Variants in NEDD4L observed in about 807,000 individuals in gnomAD.
The protein encoded by NEDD4L is E3 ubiquitin-protein ligase NEDD4-like.
NEDD4L carries 54 observed loss-of-function variants against 148.9 expected under a neutral mutation model. The ratio of observed to expected loss-of-function variants is 0.36; its 90% CI spans 0.29 to 0.45. NEDD4L has a LOEUF of 0.45. Among genes scored for constraint, NEDD4L ranks in the 20% least tolerant of loss-of-function variants. The pLI is 1.00. For missense variants in NEDD4L, 856 were observed against 1,233.8 expected (o/e 0.69, Z 4.59); for synonymous variants, 433 against 440.7 (o/e 0.98, Z 0.22).
At chr18:58,376,291 C>T (rs1440347509) in intron 24 of NEDD4L, among the ~76,000 whole-genome samples, 2 of 152,070 alleles carry the variant, frequency 1.3e-5, no homozygotes, top group Admixed American at 6.5e-5. Context: ...CAGACCTCCT[C>T]GTTTAATGTT....
intron 5 of NEDD4L, among the ~76,000 whole-genome samples, chr18:58,280,017 GT>G (rs2052763840): frequency 6.6e-6 from 1 of 152,170 alleles, no homozygotes; most frequent in South Asian, 2.1e-4. Flanking sequence ...AAACCATCTA[GT>G]TTATAAGCCA....
chr18:58,287,176 T>C (rs2054045876), intron 5 of NEDD4L, among the ~76,000 whole-genome samples: 1 of 152,002 alleles, frequency 6.6e-6, no homozygotes, highest in African/African-American at 2.4e-5. Flanking sequence ...AACTTTATCC[T>C]GCTAAGGAGC....
intron 19 of NEDD4L, 57 bp from the exon 20 acceptor site, chr18:58,364,211 A>T (rs1221262831): frequency 3.1e-6 from 3 of 981,706 alleles, no homozygotes; most frequent in Non-Finnish European, 4.7e-6. Context: ...GCCTCAGTAT[A>T]CATAAAATTT....
At chr18:58,117,603 C>T (rs1002903095) in intron 1 of NEDD4L, among the ~76,000 whole-genome samples, 7 of 152,164 alleles carry the variant, frequency 4.6e-5, no homozygotes, top group Admixed American at 2.6e-4. Context: ...ACGTGGCTCA[C>T]GGTTACCCTG....
intron 19 of NEDD4L, among the ~76,000 whole-genome samples, chr18:58,362,999 G>C (rs2045671140): frequency 6.6e-6 from 1 of 152,188 alleles, no homozygotes. Flanking sequence ...CAAATCTGTT[G>C]TTCAGTGGAA....
At chr18:58,127,557 C>T (rs1022818354) in intron 1 of NEDD4L, among the ~76,000 whole-genome samples, 18 of 151,172 alleles carry the variant, frequency 1.2e-4, no homozygotes, top group Non-Finnish European at 1.8e-4. Flanking sequence ...AAAAAAAAAT[C>T]GGCCGGGTGC....
chr18:58,190,416 G>T (rs917191212), intron 2 of NEDD4L, among the ~76,000 whole-genome samples: 3 of 152,224 alleles, frequency 2.0e-5, no homozygotes, highest in East Asian at 1.9e-4. Context: ...TTACAGATAA[G>T]TATTTAATGT....
At chr18:58,365,834 T>C (rs1343499215) in intron 20 of NEDD4L, among the ~76,000 whole-genome samples, 165 bp from the exon 21 acceptor site, 1 of 152,164 alleles carries the variant, frequency 6.6e-6, no homozygotes, top group Non-Finnish European at 1.5e-5. Context: ...AGGCTTTCTG[T>C]CTGCAAGGGA....
At chr18:58,099,185 CCTT>C (rs1298564908) in intron 1 of NEDD4L, among the ~76,000 whole-genome samples, 1 of 151,750 alleles carries the variant, frequency 6.6e-6, no homozygotes, top group Non-Finnish European at 1.5e-5. Context: ...ACCCCAGTGT[CCTT>C]TTTTTTTTGG....
intron 1 of NEDD4L, among the ~76,000 whole-genome samples, chr18:58,113,493 CT>C (rs1210247312): frequency 3.3e-5 from 5 of 152,092 alleles, no homozygotes; most frequent in Admixed American, 3.3e-4. Flanking sequence ...CAGGAAAAAT[CT>C]TTAGCTGAGA....
intron 5 of NEDD4L, among the ~76,000 whole-genome samples, chr18:58,311,709 G>T (rs554573917): frequency 7.8e-5 from 10 of 128,668 alleles, no homozygotes; most frequent in African/African-American, 1.2e-4. Context: ...TGTGGTTTTT[G>T]TTGTTGTTGT....
chr18:58,266,147 G>A (rs1239881238), intron 5 of NEDD4L, among the ~76,000 whole-genome samples: 1 of 151,974 alleles, frequency 6.6e-6, no homozygotes, highest in African/African-American at 2.4e-5. Context: ...AATTATATGT[G>A]CATATAACCA....
At chr18:58,222,378 A>G (rs2043868486) in intron 2 of NEDD4L, among the ~76,000 whole-genome samples, 1 of 152,224 alleles carries the variant, frequency 6.6e-6, no homozygotes, top group African/African-American at 2.4e-5. Context: ...CTTCCTCGGT[A>G]TGAGTAATTT....
At chr18:58,101,047 C>T (rs9961344) in intron 1 of NEDD4L, among the ~76,000 whole-genome samples, 14,227 of 152,168 alleles carry the variant, frequency 0.093, 718 homozygotes, top group Non-Finnish European at 0.11. Flanking sequence ...CTCAAGGGAT[C>T]CTCCCTCCTT....
At chr18:58,328,683 A>G (rs1215285697) in intron 9 of NEDD4L, among the ~76,000 whole-genome samples, 1 of 152,208 alleles carries the variant, frequency 6.6e-6, no homozygotes, top group Non-Finnish European at 1.5e-5. Flanking sequence ...CACTGTGGCA[A>G]ATGGGCAGAG....
At chr18:58,395,424 A>G (rs1012972195) in intron 30 of NEDD4L, among the ~76,000 whole-genome samples, 16 of 152,156 alleles carry the variant, frequency 1.1e-4, no homozygotes, top group African/African-American at 3.6e-4. Context: ...TCCCCATGTC[A>G]CAGAAGCACA....
rs758360794 is a variant in NEDD4L at position 58,341,811 on chromosome 18, C to T, written c.1377+14C>T. ...GCCCCGCTGGAGGTGAGACGGCTAC[C>T]TCATCTAACTGGACTCACTCTGTCC... On this transcript the variant is annotated intron_variant, in intron 15 of 30. Transcript: ENST00000400345. 5.6e-6 allele frequency: 9 copies of T among 1,609,264 alleles called. No individual in the cohort carries two copies. In the South Asian group the frequency reaches 7.8e-5, roughly 14 times the overall value.
chr18:58,107,100 C>G (rs2085111107), intron 1 of NEDD4L, among the ~76,000 whole-genome samples: 1 of 152,178 alleles, frequency 6.6e-6, no homozygotes, highest in African/African-American at 2.4e-5. Context: ...TCACATGGTC[C>G]TCCTTCTGTG....
intron 5 of NEDD4L, 83 bp from the exon 6 acceptor site, chr18:58,315,899 C>T (rs527841100): frequency 1.5e-5 from 18 of 1,219,342 alleles, no homozygotes; most frequent in Non-Finnish European, 2.1e-5. Flanking sequence ...ACCTTTGTCT[C>T]TATTCATGAT....
Sources: gnomAD v4.1 joint callset for allele counts (sites outside exome capture counted in the v4.1 genomes callset) on GRCh38, gnomAD v4.1.1 for gene constraint, MANE v1.5 for transcripts, NCBI Gene and HGNC (gene_info 2026-07-23, HGNC 2026-07-21) for gene names.